Variants in NLRP14 observed in about 807,000 individuals in gnomAD.
The protein encoded by NLRP14 is NACHT, LRR and PYD domains-containing protein 14.
NLRP14 carries 105 observed loss-of-function variants against 94.7 expected under a neutral mutation model. The ratio of observed to expected loss-of-function variants is 1.11; its 90% CI spans 0.95 to 1.30. The LOEUF (loss-of-function observed/expected upper bound fraction) is 1.30, where lower values mean the gene tolerates loss of function less well. Among genes scored for constraint, NLRP14 ranks in the 50% most tolerant of loss-of-function variants. NLRP14 has a pLI of 0.00. For synonymous variants in NLRP14, 508 were observed against 459.9 expected (o/e 1.10, Z -1.34); for missense variants, 1,362 against 1,254.1 (o/e 1.09, Z -1.30).
the NLRP14 span, chr11:7,089,826 G>T: frequency 6.2e-7 from 1 of 1,609,622 alleles, no homozygotes. Flanking sequence ...CCCCTCGCCC[G>T]GAGAGTACAC....
At chr11:7,077,650 C>A in the NLRP14 span, among the ~76,000 whole-genome samples, 1 of 152,208 alleles carries the variant, frequency 6.6e-6, no homozygotes, top group Non-Finnish European at 1.5e-5. Flanking sequence ...GGAAGCCTCA[C>A]AATCATGGCA....
In NLRP14 at chr11:7,070,338, C is replaced by T. The variant is rs17280682; in HGVS notation, c.3028C>T (p.Leu1010Phe). 0.19 allele frequency: 305,262 copies of T among 1,608,730 alleles called. 31,805 individuals are homozygous for T. Among genetic ancestry groups the T allele is most frequent in the Non-Finnish European group, 0.22 (256,991 of 1,175,300 alleles). The change falls in exon 11 of 12, where the codon CTT (leucine) becomes TTT (phenylalanine). Residue 1010 changes from leucine to phenylalanine, a missense_variant. By Grantham distance (22) the Leu-to-Phe change is conservative (BLOSUM62 0). Transcript: ENST00000299481. ...SLCCQDLSSA[L>F]ICNKRLIKMN... ...CTGCTGTCAAGATCTCTCCTCTGCTCTTATCTGCAACAAAAGACTGATAAA... is the reference window on the plus strand; with the variant it reads ...CTGCTGTCAAGATCTCTCCTCTGCTTTTATCTGCAACAAAAGACTGATAAA...
the NLRP14 span, among the ~76,000 whole-genome samples, chr11:7,081,282 A>G: frequency 6.6e-6 from 1 of 151,938 alleles, no homozygotes; most frequent in Non-Finnish European, 1.5e-5. Context: ...CGGTTAATGA[A>G]TCAGTCCAGG....
Position 7,042,854 on chromosome 11 carries a change from C to T in NLRP14, c.828C>T (p.Cys276=), listed in dbSNP as rs138105610. Residue 276 remains cysteine (C), a synonymous_variant, in exon 4 of 12, where the codon TGC becomes TGT. Transcript: ENST00000299481. ...TTGAAGAACCTGAGTTTGCACTGTG[C>T]GAAGACTGGACCCAAGAACACCCAG... ...FAFEEPEFAL[C]EDWTQEHPVS... The T allele has an allele frequency of 5.1e-4, 828 of 1,614,082 alleles. 2 individuals are homozygous for T. The highest frequency in any genetic ancestry group is 1.3e-3 in the Middle Eastern group (8 of 6,062).
At position 7,042,425 on chromosome 11, in the gene NLRP14, A is replaced by AT. The variant is rs763335218; in HGVS notation, c.403dup (p.Cys135LeufsTer14). ...AATACAGAAATAGAATAAAGGAAAA[A>AT]TTTTGCATCACTTGGGACAAGAAGT... On this transcript the variant is annotated frameshift_variant, in exon 4 of 12. Coordinates refer to ENST00000299481, the MANE Select transcript of NLRP14 (RefSeq NM_176822.4). LOFTEE classifies it high-confidence loss of function. 8.6e-5 allele frequency: 139 copies of AT among 1,614,038 alleles called. 1 individual carries two copies. The East Asian group carries it at 3.1e-3, about 36-fold the overall frequency.
chr11:7,054,647 A>C (rs1852493660), intron 6 of NLRP14, among the ~76,000 whole-genome samples: 1 of 152,112 alleles, frequency 6.6e-6, no homozygotes, highest in Non-Finnish European at 1.5e-5. Flanking sequence ...TTGGATAATT[A>C]GATTTTTTTC....
At chr11:7,027,444 C>T (rs1201939144) in intron 1 of NLRP14, among the ~76,000 whole-genome samples, 1 of 151,992 alleles carries the variant, frequency 6.6e-6, no homozygotes, top group Non-Finnish European at 1.5e-5. Flanking sequence ...TTTCTGGAAC[C>T]TCTTTTATAA....
At chr11:7,051,258 A>G (rs1009169445) in intron 6 of NLRP14, among the ~76,000 whole-genome samples, 3 of 152,198 alleles carry the variant, frequency 2.0e-5, no homozygotes, top group African/African-American at 7.2e-5. Context: ...CCCAGTGTGG[A>G]TGGCCACTGA....
chr11:7,080,383 G>A, the NLRP14 span, among the ~76,000 whole-genome samples: 8 of 152,140 alleles, frequency 5.3e-5, no homozygotes, highest in African/African-American at 1.4e-4. Flanking sequence ...GGGTTCCTAC[G>A]ATGCCCTCAG....
chr11:7,045,359 C>T (rs1457974092), intron 4 of NLRP14, among the ~76,000 whole-genome samples: 1 of 152,122 alleles, frequency 6.6e-6, no homozygotes, highest in Middle Eastern at 3.2e-3. Flanking sequence ...TGCCAGTTCT[C>T]CTGCTAGCTT....
the NLRP14 span, among the ~76,000 whole-genome samples, chr11:7,079,688 G>C: frequency 6.6e-6 from 1 of 152,270 alleles, no homozygotes; most frequent in East Asian, 1.9e-4. Context: ...AAAGACAAAG[G>C]GTCTCTCAGC....
intron 10 of NLRP14, among the ~76,000 whole-genome samples, chr11:7,066,486 T>A (rs1341348368): frequency 1.3e-5 from 2 of 152,248 alleles, no homozygotes; most frequent in Non-Finnish European, 2.9e-5. Context: ...TTCATATGTT[T>A]GTTGGCCACA....
intron 4 of NLRP14, among the ~76,000 whole-genome samples, chr11:7,044,828 C>T (rs1852326065): frequency 6.6e-6 from 1 of 152,050 alleles, no homozygotes; most frequent in Admixed American, 6.6e-5. Flanking sequence ...TTTAAGATTA[C>T]AAAACTCAGA....
chr11:7,057,632 T>C (rs1456828898), intron 6 of NLRP14, 45 bp from the exon 7 acceptor site: 11 of 1,570,292 alleles, frequency 7.0e-6, no homozygotes, highest in Non-Finnish European at 9.6e-6. Flanking sequence ...GTTGTAATTA[T>C]TCTCTAAGGA....
the NLRP14 span, chr11:7,090,045 G>C: frequency 6.2e-7 from 1 of 1,612,938 alleles, no homozygotes; most frequent in Admixed American, 1.7e-5. Context: ...AGGCCGCTAC[G>C]AGGAGTACCG....
At position 7,071,493 on chromosome 11, in the gene NLRP14, G is replaced by C. The variant is rs1852798575; in HGVS notation, c.*185G>C. On this transcript the variant is annotated 3_prime_UTR_variant, in exon 12 of 12. Coordinates refer to ENST00000299481, the MANE Select transcript of NLRP14 (RefSeq NM_176822.4). ...GTTCTACTTCACACAGTGGTCGAGA[G>C]GCTAAAATAAAATGAAAAGCATAAA... Among the ~76,000 whole-genome samples, 1 of 148,362 alleles carries C rather than the reference G, an allele frequency of 6.7e-6. No individual in the cohort carries two copies. The highest frequency in any genetic ancestry group is 1.5e-5 in the Non-Finnish European group (1 of 67,336).
Position 7,043,624 on chromosome 11 carries a change from T to G in NLRP14, c.1598T>G (p.Phe533Cys), listed in dbSNP as rs747269170. The G allele has an allele frequency of 1.9e-6, 3 of 1,614,096 alleles. No homozygotes were observed. The highest frequency in any genetic ancestry group is 1.7e-6 in the Non-Finnish European group (2 of 1,180,018). The change falls in exon 4 of 12, where the codon TTT becomes TGT. Residue 533 changes from phenylalanine to cysteine, a missense_variant. Transcript: ENST00000299481. ...PHLTQMKCFL[F>C]GLLNEDRVKQ... The stretch of plus-strand genomic sequence containing the variant: ...TTGACACAGATGAAGTGCTTTTTGT[T>G]TGGCCTTTTGAATGAAGATCGAGTA...
the NLRP14 span, among the ~76,000 whole-genome samples, chr11:7,081,935 A>G: frequency 6.6e-6 from 1 of 152,146 alleles, no homozygotes; most frequent in South Asian, 2.1e-4. Flanking sequence ...CTCCATTCAC[A>G]GAGTTTGTTT....
intron 1 of NLRP14, among the ~76,000 whole-genome samples, chr11:7,023,727 A>G (rs1478779036): frequency 6.6e-6 from 1 of 152,078 alleles, no homozygotes; most frequent in African/African-American, 2.4e-5. Context: ...TACAGGAAGT[A>G]CGGTGCTTGC....
Sources: gnomAD v4.1 joint callset for allele counts (sites outside exome capture counted in the v4.1 genomes callset) on GRCh38, gnomAD v4.1.1 for gene constraint, MANE v1.5 for transcripts, NCBI Gene and HGNC (gene_info 2026-07-23, HGNC 2026-07-21) for gene names.